The following ABLIM1 variants were observed in gnomAD, a reference collection of about 807,000 sequenced individuals.
ABLIM1 encodes actin-binding LIM protein 1.
ABLIM1 carries 40 observed loss-of-function variants against 107.0 expected under a neutral mutation model. The ratio of observed to expected loss-of-function variants is 0.37; its 90% CI spans 0.29 to 0.49. The LOEUF (loss-of-function observed/expected upper bound fraction) is 0.49, where lower values mean the gene tolerates loss of function less well. ABLIM1 is among the 20% of genes least tolerant of loss of function. The pLI, the probability that ABLIM1 is intolerant of heterozygous loss-of-function variation, is 0.97. For missense variants in ABLIM1, 857 were observed against 1,008.5 expected (o/e 0.85, Z 2.04); for synonymous variants, 357 against 357.3 (o/e 1.00, Z 0.01).
chr10:114,481,030 T>C (rs1271259791), intron 8 of ABLIM1, among the ~76,000 whole-genome samples: 3 of 152,320 alleles, frequency 2.0e-5, no homozygotes, highest in South Asian at 2.1e-4. Context: ...TTTTCCCCTA[T>C]GCCTTGATTT....
chr10:114,548,011 C>T (rs2247624), intron 4 of ABLIM1, among the ~76,000 whole-genome samples: 118,588 of 152,168 alleles, frequency 0.78, 46,868 homozygotes, highest in African/African-American at 0.93. Context: ...TCTACGGGGA[C>T]GGATGTCCTT....
At chr10:114,574,435 ATTTATTTTAT>A (rs1018794254) in intron 3 of ABLIM1, among the ~76,000 whole-genome samples, 1 of 151,330 alleles carries the variant, frequency 6.6e-6, no homozygotes, top group African/African-American at 2.4e-5. Flanking sequence ...TCATTTTATT[ATTTATTTTAT>A]TTTATTTTTT....
At chr10:114,762,401 T>A (rs1382115727) in intron 1 of ABLIM1, among the ~76,000 whole-genome samples, 1 of 152,212 alleles carries the variant, frequency 6.6e-6, no homozygotes, top group Non-Finnish European at 1.5e-5. Context: ...TGAGGGTACA[T>A]ACTGAGCCCT....
chr10:114,733,899 C>A (rs926219221), intron 1 of ABLIM1, among the ~76,000 whole-genome samples: 19 of 152,018 alleles, frequency 1.2e-4, no homozygotes, highest in Non-Finnish European at 2.5e-4. Context: ...CTCTGTCACC[C>A]AGGCTGGATA....
chr10:114,668,501 G>T (rs73362074), intron 1 of ABLIM1, among the ~76,000 whole-genome samples: 1 of 152,036 alleles, frequency 6.6e-6, no homozygotes, highest in South Asian at 2.1e-4. Flanking sequence ...TCTTTCTTTC[G>T]TTTATTTATT....
In ABLIM1 at chr10:114,465,687, G is replaced by C. The variant is rs2065002799; in HGVS notation, c.1441+11C>G. 2 of 1,613,782 alleles carry C rather than the reference G, an allele frequency of 1.2e-6. No homozygotes were observed. The highest frequency in any genetic ancestry group is 1.7e-6 in the Non-Finnish European group (2 of 1,179,842). On this transcript the variant is annotated intron_variant, in intron 12 of 22. Coordinates refer to ENST00000533213, the MANE Select transcript of ABLIM1 (RefSeq NM_002313.7). ...GTTATATAGAGTGAATCCAGGAACA[G>C]TCACCCTTACCAGGTCTGTGGAAAT...
intron 1 of ABLIM1, among the ~76,000 whole-genome samples, chr10:114,621,489 T>C (rs559568026): frequency 1.3e-5 from 2 of 152,338 alleles, no homozygotes; most frequent in African/African-American, 4.8e-5. Flanking sequence ...GTGCTTACTA[T>C]GGAGCAGACA....
upstream of ABLIM1, among the ~76,000 whole-genome samples, chr10:114,660,969 T>C (rs1258868116): frequency 6.6e-6 from 1 of 152,144 alleles, no homozygotes; most frequent in Non-Finnish European, 1.5e-5. Flanking sequence ...AAAAACTATT[T>C]CCACTGCATT....
chr10:114,589,217 G>GTT (rs780535293), intron 2 of ABLIM1, among the ~76,000 whole-genome samples: 173 of 136,146 alleles, frequency 1.3e-3, no homozygotes, highest in Admixed American at 3.6e-3. Context: ...GTGTGTGTGT[G>GTT]TTTTTTTTTT....
chr10:114,738,111 C>T (rs972225781), intron 1 of ABLIM1, among the ~76,000 whole-genome samples: 13 of 152,098 alleles, frequency 8.5e-5, no homozygotes, highest in Admixed American at 1.3e-4. Flanking sequence ...TGCAGTGGCG[C>T]GATCTTGGCT....
At chr10:114,474,627 G>C (rs577671586) in intron 8 of ABLIM1, among the ~76,000 whole-genome samples, 15 of 152,014 alleles carry the variant, frequency 9.9e-5, no homozygotes, top group Admixed American at 9.2e-4. Flanking sequence ...TGATCTGCCC[G>C]CCTCCACCTC....
intron 1 of ABLIM1, among the ~76,000 whole-genome samples, chr10:114,638,225 C>T (rs187903090): frequency 7.7e-4 from 117 of 152,246 alleles, no homozygotes; most frequent in Admixed American, 3.0e-3. Flanking sequence ...CAAAATCTAA[C>T]TCAAATAAAT....
chr10:114,510,334 T>C (rs547928797), intron 6 of ABLIM1, among the ~76,000 whole-genome samples: 1 of 150,688 alleles, frequency 6.6e-6, no homozygotes, highest in Admixed American at 6.5e-5. Flanking sequence ...CCAGCTCCCC[T>C]GGACTTAGGC....
the ABLIM1 span, among the ~76,000 whole-genome samples, chr10:114,775,431 CCT>C: frequency 1.3e-5 from 2 of 152,128 alleles, no homozygotes; most frequent in Admixed American, 1.3e-4. Flanking sequence ...AAGGATTATT[CCT>C]CTGTTGCTGG....
At chr10:114,464,635 C>T (rs1273415297) in intron 12 of ABLIM1, among the ~76,000 whole-genome samples, 1 of 152,124 alleles carries the variant, frequency 6.6e-6, no homozygotes, top group Non-Finnish European at 1.5e-5. Context: ...ATAAATAGCA[C>T]AAACATTTAT....
rs1162814301 is a variant in ABLIM1 at position 114,544,986 on chromosome 10, G to A, written c.894+19C>T. The A allele has an allele frequency of 6.2e-7, 1 of 1,612,106 alleles. No individual in the cohort carries two copies. The highest frequency in any genetic ancestry group is 2.2e-5 in the East Asian group (1 of 44,852). ...GAGAAAGATGGCGGTAGCTATGAGG[G>A]AGCCGGTCTGCCACTTACCTCCAGG... On this transcript the variant is annotated intron_variant, in intron 6 of 22. Transcript: ENST00000533213.
chr10:114,697,730 C>A (rs1162081259), intron 1 of ABLIM1, among the ~76,000 whole-genome samples: 1 of 152,190 alleles, frequency 6.6e-6, no homozygotes, highest in Non-Finnish European at 1.5e-5. Flanking sequence ...CCCTAATTTT[C>A]AATTTTAGTA....
intron 6 of ABLIM1, chr10:114,526,739 A>C (rs2064826319): frequency 1.0e-6 from 1 of 985,486 alleles, no homozygotes; most frequent in Non-Finnish European, 1.2e-6. Flanking sequence ...TCAAGTTCAG[A>C]ACACGGCCAA....
chr10:114,530,025 C>T (rs1212139693), intron 6 of ABLIM1, among the ~76,000 whole-genome samples: 2 of 152,088 alleles, frequency 1.3e-5, no homozygotes, highest in African/African-American at 2.4e-5. Context: ...GAAACCCCAT[C>T]TCAAAAAATA....
Sources: allele counts gnomAD v4.1 joint callset (sites outside exome capture counted in the v4.1 genomes callset), GRCh38; gene constraint gnomAD v4.1.1; transcripts MANE v1.5; gene names NCBI Gene and HGNC (gene_info 2026-07-23, HGNC 2026-07-21).